The following GRIA3 variants were observed in gnomAD, a reference collection of about 807,000 sequenced individuals.
GRIA3 encodes the protein glutamate receptor 3.
Under a neutral mutation model 63.0 loss-of-function variants are expected in GRIA3, and 3 were observed. The ratio of observed to expected loss-of-function variants is 0.05; its 90% CI spans 0.02 to 0.12. The LOEUF (loss-of-function observed/expected upper bound fraction) is 0.12, where lower values mean the gene tolerates loss of function less well. GRIA3 is among the 10% of genes least tolerant of loss of function. The pLI is 1.00. For synonymous variants in GRIA3, 274 were observed against 257.9 expected, an observed-to-expected ratio of 1.06 and a Z score of -0.60; for missense variants, 347 against 700.9, an observed-to-expected ratio of 0.50 and a Z score of 5.70.
intron 4 of GRIA3, among the ~76,000 whole-genome samples, chrX:123,349,224 C>A (rs1205956878): frequency 8.9e-6 from 1 of 112,205 alleles, no homozygotes; most frequent in African/African-American, 3.2e-5. Flanking sequence ...AGGATTAAGA[C>A]AATGAAGTGT....
At chrX:123,246,362 G>A (rs943900895) in intron 2 of GRIA3, among the ~76,000 whole-genome samples, 5 of 111,663 alleles carry the variant, frequency 4.5e-5, no homozygotes, top group East Asian at 2.8e-4. Flanking sequence ...CCAGTGTGTC[G>A]GCAGGGTTGT....
chrX:123,430,988 A>AAAAAC (rs1166378619), intron 12 of GRIA3, among the ~76,000 whole-genome samples: 4 of 103,344 alleles, frequency 3.9e-5, no homozygotes, highest in Non-Finnish European at 5.9e-5. Context: ...TCTCAAAAAC[A>AAAAAC]AAAACAAAAC....
At chrX:123,442,044 G>T (rs2045676878) in intron 12 of GRIA3, among the ~76,000 whole-genome samples, 1 of 112,292 alleles carries the variant, frequency 8.9e-6, no homozygotes, top group Admixed American at 9.4e-5. Context: ...AATTCAAGGA[G>T]ACTTGGATAA....
intron 3 of GRIA3, among the ~76,000 whole-genome samples, chrX:123,277,602 C>T (rs1231150298): frequency 9.0e-6 from 1 of 111,590 alleles, no homozygotes; most frequent in African/African-American, 3.3e-5. Flanking sequence ...TAAATAACTA[C>T]AGAGGTCTGA....
intron 13 of GRIA3, among the ~76,000 whole-genome samples, chrX:123,469,297 T>C (rs1204287594): frequency 8.9e-6 from 1 of 112,043 alleles, no homozygotes; most frequent in Non-Finnish European, 1.9e-5. Context: ...ACATTACACA[T>C]TCTGAGATTA....
rs188186241 is a variant in GRIA3, at chrX:123,400,856, C to T, written c.1080+2053C>T. On this transcript the variant is annotated intron_variant, in intron 7 of 15. Transcript: ENST00000620443. Reference sequence around the variant, plus strand: ...TTGCAAATTGGGTAATCATTCTCCTCACAATCTGCAAATAATGCAAAGATC... The same window carrying T: ...TTGCAAATTGGGTAATCATTCTCCTTACAATCTGCAAATAATGCAAAGATC... 3.1e-4 allele frequency among the ~76,000 whole-genome samples: 35 copies of T among 112,170 alleles called. No individual in the cohort carries two copies. In the East Asian group the frequency reaches 8.1e-3, roughly 26 times the overall value.
chrX:123,466,711 G>A (rs1297577025), intron 13 of GRIA3, among the ~76,000 whole-genome samples: 1 of 112,191 alleles, frequency 8.9e-6, no homozygotes, highest in African/African-American at 3.2e-5. Flanking sequence ...AATCCTCCTT[G>A]GCCCAAGGGG....
intron 2 of GRIA3, among the ~76,000 whole-genome samples, chrX:123,200,604 T>TAC (rs1227977653): frequency 4.4e-5 from 3 of 68,354 alleles, no homozygotes; most frequent in South Asian, 9.5e-4. Context: ...CACACACACA[T>TAC]ACATACACAC....
chrX:123,365,320 G>C (rs374790497), intron 5 of GRIA3, among the ~76,000 whole-genome samples: 1 of 111,472 alleles, frequency 9.0e-6, no homozygotes, highest in African/African-American at 3.3e-5. Context: ...TTTCAATAGA[G>C]GCACCTAAAG....
chrX:123,267,839 G>A (rs2044497226), intron 3 of GRIA3, among the ~76,000 whole-genome samples: 1 of 111,715 alleles, frequency 9.0e-6, no homozygotes, highest in African/African-American at 3.3e-5. Flanking sequence ...CTCAGGGATA[G>A]GAATGTTTTG....
intron 4 of GRIA3, among the ~76,000 whole-genome samples, chrX:123,334,972 A>G (rs1188241229): frequency 1.8e-5 from 2 of 109,891 alleles, no homozygotes; most frequent in African/African-American, 6.6e-5. Flanking sequence ...TAGGGTGAGG[A>G]GAAAAGGACA....
intron 5 of GRIA3, among the ~76,000 whole-genome samples, chrX:123,386,184 A>G (rs1302999861): frequency 8.1e-5 from 9 of 111,353 alleles, no homozygotes; most frequent in African/African-American, 2.9e-4. Context: ...TGTATTTCCC[A>G]TTTGATTAGT....
At chrX:123,432,408 G>A (rs2147404218) in intron 12 of GRIA3, among the ~76,000 whole-genome samples, 1 of 112,353 alleles carries the variant, frequency 8.9e-6, no homozygotes. Flanking sequence ...ATACCATAAT[G>A]GACAATTTTT....
At chrX:123,445,106 C>T (rs2045696468) in intron 12 of GRIA3, among the ~76,000 whole-genome samples, 1 of 112,049 alleles carries the variant, frequency 8.9e-6, no homozygotes, top group African/African-American at 3.2e-5. Context: ...ATGGACATTG[C>T]TCAGCTTCAT....
At chrX:123,364,478 G>T (rs2045197973) in intron 5 of GRIA3, among the ~76,000 whole-genome samples, 1 of 112,274 alleles carries the variant, frequency 8.9e-6, no homozygotes, top group African/African-American at 3.2e-5. Flanking sequence ...GAAAATGTTA[G>T]CAAGGATGCA....
chrX:123,423,434 C>A (rs2045573438), intron 11 of GRIA3, among the ~76,000 whole-genome samples: 1 of 112,063 alleles, frequency 8.9e-6, no homozygotes, highest in African/African-American at 3.2e-5. Context: ...TGACCACTGT[C>A]TTTATCTTAC....
chrX:123,283,349 A>AT (rs945678479), intron 3 of GRIA3, among the ~76,000 whole-genome samples: 2 of 110,152 alleles, frequency 1.8e-5, no homozygotes, highest in African/African-American at 3.3e-5. Context: ...TAGCTGCAGG[A>AT]TTTTTTTTTC....
intron 3 of GRIA3, among the ~76,000 whole-genome samples, chrX:123,296,300 T>C (rs1360377553): frequency 1.8e-5 from 2 of 110,872 alleles, no homozygotes; most frequent in Admixed American, 9.7e-5. Flanking sequence ...TGGTGTTATC[T>C]GCAACCTGTA....
intron 3 of GRIA3, among the ~76,000 whole-genome samples, chrX:123,254,003 T>C (rs759517309): frequency 1.8e-5 from 2 of 112,072 alleles, no homozygotes; most frequent in Non-Finnish European, 3.8e-5. Flanking sequence ...ATGGGACTGG[T>C]AGCAATGTCT....
Sources: gnomAD v4.1 joint callset for allele counts (sites outside exome capture counted in the v4.1 genomes callset) on GRCh38, gnomAD v4.1.1 for gene constraint, MANE v1.5 for transcripts, NCBI Gene and HGNC (gene_info 2026-07-23, HGNC 2026-07-21) for gene names.